AGBL1: variants seen among roughly 807,000 people sequenced by gnomAD.
The protein encoded by AGBL1 is cytosolic carboxypeptidase 4.
A neutral mutation model predicts 118.9 loss-of-function variants in AGBL1; 130 were observed. The ratio of observed to expected loss-of-function variants is 1.09; its 90% CI spans 0.95 to 1.26. The LOEUF is 1.26. Among genes scored for constraint, AGBL1 ranks in the 50% most tolerant of loss-of-function variants. The probability of loss-of-function intolerance (pLI) is 0.00; values close to 1 mark genes in which losing one functional copy is unlikely to be tolerated. For synonymous variants in AGBL1, 555 were observed against 478.9 expected (o/e 1.16, Z -2.08); for missense variants, 1,584 against 1,298.1 (o/e 1.22, Z -3.38).
At chr15:86,467,507 C>T (rs2082422682) in intron 18 of AGBL1, among the ~76,000 whole-genome samples, 1 of 152,160 alleles carries the variant, frequency 6.6e-6, no homozygotes, top group East Asian at 1.9e-4. Flanking sequence ...CATTCCAGGC[C>T]CCACTGGGGT....
chr15:86,925,641 G>A (rs1272492199), intron 23 of AGBL1, among the ~76,000 whole-genome samples: 1 of 151,246 alleles, frequency 6.6e-6, no homozygotes, highest in Non-Finnish European at 1.5e-5. Flanking sequence ...AATAGGTGCT[G>A]ACAGGCTTCC....
intron 22 of AGBL1, among the ~76,000 whole-genome samples, chr15:86,820,727 T>C (rs2078929891): frequency 6.6e-6 from 1 of 152,128 alleles, no homozygotes; most frequent in Admixed American, 6.6e-5. Flanking sequence ...TTTTACACTG[T>C]GGTGGGAGTG....
intron 22 of AGBL1, among the ~76,000 whole-genome samples, chr15:86,771,586 A>G (rs1364518686): frequency 1.3e-5 from 2 of 151,968 alleles, no homozygotes; most frequent in Admixed American, 1.3e-4. Flanking sequence ...CTGGTTTAGT[A>G]TACCAATGCA....
chr15:86,764,882 C>G (rs1253259042), intron 22 of AGBL1, among the ~76,000 whole-genome samples: 1 of 152,036 alleles, frequency 6.6e-6, no homozygotes, highest in African/African-American at 2.4e-5. Flanking sequence ...TTAATCTCTA[C>G]TCTAATGAAC....
At chr15:86,578,211 G>A (rs969845549) in intron 21 of AGBL1, among the ~76,000 whole-genome samples, 17 of 152,244 alleles carry the variant, frequency 1.1e-4, no homozygotes, top group Non-Finnish European at 2.9e-5. Flanking sequence ...TCAGCATGAT[G>A]TGGATGTGAG....
At chr15:86,589,254 T>G (rs62012480) in intron 21 of AGBL1, among the ~76,000 whole-genome samples, 4,364 of 152,134 alleles carry the variant, frequency 0.029, 116 homozygotes, top group East Asian at 0.14. Context: ...AAAAGGAAAT[T>G]TTTATTATTA....
intron 22 of AGBL1, among the ~76,000 whole-genome samples, chr15:86,687,306 A>G (rs1333325367): frequency 6.6e-6 from 1 of 152,096 alleles, no homozygotes; most frequent in Non-Finnish European, 1.5e-5. Flanking sequence ...GAACTTCTGA[A>G]GTAACTGCCC....
intron 23 of AGBL1, among the ~76,000 whole-genome samples, chr15:86,959,633 G>T (rs2141683448): frequency 6.6e-6 from 1 of 152,106 alleles, no homozygotes; most frequent in East Asian, 1.9e-4. Context: ...CAGATAACTG[G>T]TAAATCTACT....
chr15:87,020,285 T>C (rs929064735), intron 24 of AGBL1, among the ~76,000 whole-genome samples: 2 of 152,122 alleles, frequency 1.3e-5, no homozygotes, highest in Non-Finnish European at 2.9e-5. Context: ...GACAAGGCCT[T>C]CAATAAAATT....
intron 21 of AGBL1, among the ~76,000 whole-genome samples, chr15:86,587,051 C>T (rs2447286): frequency 6.6e-6 from 1 of 151,902 alleles, no homozygotes; most frequent in Non-Finnish European, 1.5e-5. Flanking sequence ...TTAAAGAGTT[C>T]GGACTAGAAC....
At chr15:86,347,654 C>G (rs1250354594) in intron 17 of AGBL1, among the ~76,000 whole-genome samples, 1 of 152,170 alleles carries the variant, frequency 6.6e-6, no homozygotes, top group African/African-American at 2.4e-5. Context: ...CTATAAAATG[C>G]TCTGAATATG....
At chr15:86,843,149 C>A (rs2079269199) in intron 22 of AGBL1, among the ~76,000 whole-genome samples, 1 of 152,100 alleles carries the variant, frequency 6.6e-6, no homozygotes, top group Non-Finnish European at 1.5e-5. Context: ...ACAGAAAAAG[C>A]AAGTTGCTTA....
At chr15:86,457,908 T>G (rs548668462) in intron 18 of AGBL1, among the ~76,000 whole-genome samples, 1 of 152,164 alleles carries the variant, frequency 6.6e-6, no homozygotes, top group African/African-American at 2.4e-5. Flanking sequence ...GATTCTTCCA[T>G]GTGGGGCCCT....
At position 86,570,932 on chromosome 15, in the gene AGBL1, G is replaced by A. The variant is rs71401906; in HGVS notation, c.2994+16395G>A. ...CCAAGGGAGAGTCAAGCATGGAGCA[G>A]TGAGGGGTGTGTGAGCAGCATGCGG... On this transcript the variant is annotated intron_variant, in intron 21 of 22. Coordinates refer to ENST00000614907, the MANE Select transcript of AGBL1 (RefSeq NM_001386094.1). 1.8e-3 allele frequency among the ~76,000 whole-genome samples: 276 copies of A among 152,326 alleles called. 3 individuals carry two copies. The highest frequency in any genetic ancestry group is 1.1e-3 in the Non-Finnish European group (76 of 68,022).
intron 22 of AGBL1, among the ~76,000 whole-genome samples, chr15:86,708,286 A>G (rs185047532): frequency 6.6e-6 from 1 of 152,150 alleles, no homozygotes; most frequent in East Asian, 1.9e-4. Flanking sequence ...CAGGGTTCTG[A>G]TCTCATAAGG....
chr15:86,815,364 A>G (rs1337377135), intron 22 of AGBL1, among the ~76,000 whole-genome samples: 12 of 152,196 alleles, frequency 7.9e-5, no homozygotes, highest in Non-Finnish European at 1.5e-5. Flanking sequence ...TCCACCACCA[A>G]TTTCTAGTGT....
chr15:86,230,834 T>C (rs1171353216), intron 6 of AGBL1, among the ~76,000 whole-genome samples: 1 of 152,238 alleles, frequency 6.6e-6, no homozygotes, highest in Non-Finnish European at 1.5e-5. Context: ...ATGCAGTTTT[T>C]GAGTAGAGAG....
At chr15:86,302,426 T>C (rs1453671850) in intron 17 of AGBL1, among the ~76,000 whole-genome samples, 1 of 152,046 alleles carries the variant, frequency 6.6e-6, no homozygotes, top group Non-Finnish European at 1.5e-5. Flanking sequence ...GGCAATGTCT[T>C]TTCAAGTAGA....
intron 24 of AGBL1, among the ~76,000 whole-genome samples, chr15:87,027,799 A>C (rs115461574): frequency 0.022 from 3,354 of 152,028 alleles, 115 homozygotes; most frequent in African/African-American, 0.075. Context: ...GCCAAACACC[A>C]TGTGTTCTCA....
Sources: gnomAD v4.1 joint callset for allele counts (sites outside exome capture counted in the v4.1 genomes callset) on GRCh38, gnomAD v4.1.1 for gene constraint, MANE v1.5 for transcripts, NCBI Gene and HGNC (gene_info 2026-07-23, HGNC 2026-07-21) for gene names.